Variants in EPM2A observed in about 807,000 individuals in gnomAD.
The protein encoded by EPM2A is laforin.
EPM2A carries 21 observed loss-of-function variants against 26.5 expected under a neutral mutation model. The observed-to-expected ratio is 0.79, with a 90% CI of 0.56 to 1.14. EPM2A has a LOEUF of 1.14. EPM2A is among the 50% of genes most tolerant of loss of function. The pLI is 0.00. For missense variants in EPM2A, 458 were observed against 440.8 expected (o/e 1.04, Z -0.35); for synonymous variants, 217 against 177.6 (o/e 1.22, Z -1.76).
downstream of EPM2A, among the ~76,000 whole-genome samples, chr6:145,624,771 T>C (rs1225609901): frequency 1.3e-5 from 2 of 152,236 alleles, no homozygotes; most frequent in Admixed American, 6.5e-5. Context: ...CATTACTTTC[T>C]TATCATTTCC....
intron 1 of EPM2A, among the ~76,000 whole-genome samples, chr6:145,711,311 T>C (rs541852627): frequency 6.6e-6 from 1 of 152,348 alleles, no homozygotes; most frequent in East Asian, 1.9e-4. Context: ...CCGCAGGAGC[T>C]TGTAATACAG....
intron 2 of EPM2A, among the ~76,000 whole-genome samples, chr6:145,588,131 TC>T (rs1302087760): frequency 6.6e-6 from 1 of 152,162 alleles, no homozygotes; most frequent in Non-Finnish European, 1.5e-5. Context: ...GCCTGGAATG[TC>T]CCAATAATGT....
At chr6:145,505,630 C>A (rs1209724004) in intron 2 of EPM2A, among the ~76,000 whole-genome samples, 1 of 152,094 alleles carries the variant, frequency 6.6e-6, no homozygotes, top group Non-Finnish European at 1.5e-5. Context: ...AAAAACCCTA[C>A]ACTTATTTTT....
intron 2 of EPM2A, among the ~76,000 whole-genome samples, chr6:145,585,496 C>T (rs1175925829): frequency 1.3e-5 from 2 of 152,030 alleles, no homozygotes; most frequent in African/African-American, 2.4e-5. Flanking sequence ...TCTGCAATGT[C>T]GAATACCATT....
rs146367772 is a variant in EPM2A at position 145,566,025 on chromosome 6, G to C, written c.341-63450C>G. ...CTTGAGGTTAGGAACAAAAATGAAT[G>C]AATGAATGAATGTAGTAGTAACTCC... On this transcript the variant is annotated intron_variant, in intron 2 of 3. Transcript: ENST00000450221. 1.2e-4 allele frequency among the ~76,000 whole-genome samples: 19 copies of C among 152,262 alleles called. 1 individual carries two copies. In the East Asian group the frequency reaches 3.7e-3, roughly 29 times the overall value.
At chr6:145,630,542 G>A (rs1776172164) in intron 3 of EPM2A, 2 of 152,380 alleles carry the variant, frequency 1.3e-5, no homozygotes, top group South Asian at 4.2e-4. Context: ...TTGAACCAGG[G>A]AGGTGGAAGT....
intron 4 of EPM2A, among the ~76,000 whole-genome samples, chr6:145,408,605 A>T (rs1778601250): frequency 6.6e-6 from 1 of 152,134 alleles, no homozygotes; most frequent in Non-Finnish European, 1.5e-5. Flanking sequence ...ACCTCATCCC[A>T]GTTAAGTCTG....
chr6:145,512,647 G>C (rs1780070318), intron 2 of EPM2A, among the ~76,000 whole-genome samples: 1 of 142,520 alleles, frequency 7.0e-6, no homozygotes. Context: ...GGAGGCAGAG[G>C]TTGCAGTGAG....
Position 145,686,237 on chromosome 6 carries a change from C to T in EPM2A, c.361G>A (p.Val121Met). 6.2e-7 allele frequency: 1 copy of T among 1,613,816 alleles called. No individual in the cohort carries two copies. Among genetic ancestry groups the T allele is most frequent in the Non-Finnish European group, 8.5e-7 (1 of 1,179,730 alleles). ...CAGTGTCCTATTGGGAGACAATACACACCATCCACCAAGTTGTTTTCATTG... is the reference window on the plus strand; with the variant it reads ...CAGTGTCCTATTGGGAGACAATACATACCATCCACCAAGTTGTTTTCATTG... ...TYNENNLVDG[V>M]YCLPIGHWIE... Residue 121 changes from valine to methionine, a missense_variant, in exon 2 of 4, where the codon GTG becomes ATG. Coordinates refer to ENST00000367519, the MANE Select transcript of EPM2A (RefSeq NM_005670.4).
intron 1 of EPM2A, among the ~76,000 whole-genome samples, chr6:145,698,495 T>A (rs1781739317): frequency 6.6e-6 from 1 of 151,748 alleles, no homozygotes; most frequent in Admixed American, 6.6e-5. Context: ...AAGACTTAAT[T>A]AACAACTGTC....
Position 145,654,105 on chromosome 6 carries a change from T to C in EPM2A, c.477-18619A>G, listed in dbSNP as rs189265764. Among the ~76,000 whole-genome samples, 3 of 152,290 alleles carry C rather than the reference T, an allele frequency of 2.0e-5. No homozygotes were observed. In the East Asian group the frequency reaches 5.8e-4, roughly 29 times the overall value. ...CTTGAACTTCTTTTATCTTCCACTG[T>C]CCTGATCTCAGAACTCACTGTATAT... is the stretch of plus-strand genomic sequence containing the variant. On this transcript the variant is annotated intron_variant, in intron 2 of 3. Transcript: ENST00000367519.
intron 4 of EPM2A, among the ~76,000 whole-genome samples, chr6:145,488,199 C>T (rs1169909499): frequency 6.6e-6 from 1 of 152,090 alleles, no homozygotes; most frequent in Non-Finnish European, 1.5e-5. Flanking sequence ...GTACCAGTAC[C>T]ATGCTGTTTG....
chr6:145,619,787 A>G (rs1343724722), intron 2 of EPM2A, among the ~76,000 whole-genome samples: 1 of 152,258 alleles, frequency 6.6e-6, no homozygotes, highest in African/African-American at 2.4e-5. Context: ...AGTTGTAATC[A>G]TGTCAACATG....
At chr6:145,717,570 C>T (rs1313771719) in intron 1 of EPM2A, among the ~76,000 whole-genome samples, 4 of 152,272 alleles carry the variant, frequency 2.6e-5, no homozygotes, top group Non-Finnish European at 2.9e-5. Context: ...GACAGGGATG[C>T]CCTCTCTCAC....
At chr6:145,672,131 A>G (rs1459585374) in intron 2 of EPM2A, among the ~76,000 whole-genome samples, 1 of 152,230 alleles carries the variant, frequency 6.6e-6, no homozygotes, top group Non-Finnish European at 1.5e-5. Flanking sequence ...ATCTCATTCT[A>G]GCATGAAAGA....
chr6:145,451,120 A>G (rs1187586419), intron 4 of EPM2A, among the ~76,000 whole-genome samples: 2 of 152,228 alleles, frequency 1.3e-5, no homozygotes, highest in Non-Finnish European at 2.9e-5. Context: ...AGTGAAATTT[A>G]GAATTTTAGA....
chr6:145,501,406 T>C (rs1779887872), downstream of EPM2A, among the ~76,000 whole-genome samples: 2 of 152,212 alleles, frequency 1.3e-5, no homozygotes, highest in East Asian at 3.9e-4. Context: ...GTTTTCTTAC[T>C]CTTGTCCTTT....
chr6:145,423,487 G>T (rs954050911), intron 4 of EPM2A, among the ~76,000 whole-genome samples: 5 of 152,210 alleles, frequency 3.3e-5, no homozygotes, highest in Non-Finnish European at 7.3e-5. Context: ...GAAGGGGGAA[G>T]CCTGTTCCCC....
intron 2 of EPM2A, among the ~76,000 whole-genome samples, chr6:145,566,514 A>G (rs1259763348): frequency 2.6e-5 from 4 of 152,190 alleles, no homozygotes; most frequent in Admixed American, 2.6e-4. Context: ...CAAGGTGAGA[A>G]CAGTAGTCTC....
Sources: gnomAD v4.1 joint callset for allele counts (sites outside exome capture counted in the v4.1 genomes callset) on GRCh38, gnomAD v4.1.1 for gene constraint, MANE v1.5 for transcripts, NCBI Gene and HGNC (gene_info 2026-07-23, HGNC 2026-07-21) for gene names.